The following FOXP2 variants were observed in gnomAD, a reference collection of about 807,000 sequenced individuals.
FOXP2 encodes the protein forkhead box protein P2.
FOXP2 carries 12 observed loss-of-function variants against 115.8 expected under a neutral mutation model. The observed-to-expected ratio is 0.10, with a 90% CI of 0.07 to 0.17. FOXP2 has a LOEUF of 0.17. FOXP2 is among the 10% of genes least tolerant of loss of function. FOXP2 has a pLI of 1.00. For synonymous variants in FOXP2, 328 were observed against 297.7 expected (o/e 1.10, Z -1.05); for missense variants, 629 against 843.5 (o/e 0.75, Z 3.15).
At chr7:114,647,848 A>G (rs1235314730) in intron 8 of FOXP2, among the ~76,000 whole-genome samples, 1 of 152,048 alleles carries the variant, frequency 6.6e-6, no homozygotes, top group East Asian at 1.9e-4. Context: ...ATAACATTCC[A>G]TTTAGCAGAC....
chr7:114,239,689 G>A (rs941431114), intron 1 of FOXP2, among the ~76,000 whole-genome samples: 2 of 152,252 alleles, frequency 1.3e-5, no homozygotes, highest in South Asian at 2.1e-4. Flanking sequence ...ATAGTTAAAA[G>A]ATAACATGTT....
intron 1 of FOXP2, among the ~76,000 whole-genome samples, chr7:114,183,762 C>T (rs978522533): frequency 1.4e-4 from 22 of 152,074 alleles, no homozygotes; most frequent in African/African-American, 4.3e-4. Context: ...TGGCTATATT[C>T]TTAGCTTTAA....
At chr7:114,352,096 C>A (rs1791505154) in intron 2 of FOXP2, among the ~76,000 whole-genome samples, 1 of 150,724 alleles carries the variant, frequency 6.6e-6, no homozygotes, top group South Asian at 2.1e-4. Context: ...GGCAAAATGC[C>A]ATCTCTAACA....
At chr7:114,145,165 G>GAAT (rs908381786) in intron 1 of FOXP2, among the ~76,000 whole-genome samples, 4 of 151,928 alleles carry the variant, frequency 2.6e-5, no homozygotes, top group Non-Finnish European at 5.9e-5. Context: ...TGTACAGTAC[G>GAAT]AATAATAATA....
chr7:114,527,696 G>A (rs1188640541), intron 2 of FOXP2, among the ~76,000 whole-genome samples: 1 of 152,104 alleles, frequency 6.6e-6, no homozygotes, highest in East Asian at 1.9e-4. Flanking sequence ...TCCAAAGGCT[G>A]TGTTTTATAA....
At chr7:114,443,851 T>C (rs1794717160) in intron 2 of FOXP2, among the ~76,000 whole-genome samples, 2 of 152,200 alleles carry the variant, frequency 1.3e-5, no homozygotes, top group South Asian at 4.1e-4. Flanking sequence ...ATTCCATGTC[T>C]TTGCTATTCT....
chr7:114,125,021 C>G (rs1386516162), intron 1 of FOXP2, among the ~76,000 whole-genome samples: 1 of 152,152 alleles, frequency 6.6e-6, no homozygotes, highest in Non-Finnish European at 1.5e-5. Context: ...AAGCAGAACT[C>G]AAACCCAGGT....
intron 1 of FOXP2, among the ~76,000 whole-genome samples, chr7:114,099,827 G>A (rs2129140431): frequency 6.6e-6 from 1 of 152,238 alleles, no homozygotes; most frequent in East Asian, 1.9e-4. Context: ...CAGATACGTA[G>A]GATGAATAAG....
intron 2 of FOXP2, among the ~76,000 whole-genome samples, chr7:114,389,881 G>A (rs1792544695): frequency 6.6e-6 from 1 of 151,840 alleles, no homozygotes; most frequent in South Asian, 2.1e-4. Context: ...AAAATTAGTT[G>A]GGCATGGTGG....
chr7:114,388,537 A>T (rs1792512761), intron 2 of FOXP2, among the ~76,000 whole-genome samples: 1 of 152,074 alleles, frequency 6.6e-6, no homozygotes, highest in African/African-American at 2.4e-5. Flanking sequence ...GAGTTTTCCC[A>T]TTACATCTTT....
At chr7:114,361,856 A>G (rs1791753079) in intron 2 of FOXP2, among the ~76,000 whole-genome samples, 1 of 152,080 alleles carries the variant, frequency 6.6e-6, no homozygotes, top group Non-Finnish European at 1.5e-5. Flanking sequence ...AGTTCTTGAT[A>G]AAGATTGAAA....
intron 2 of FOXP2, among the ~76,000 whole-genome samples, chr7:114,390,690 G>C (rs1277318918): frequency 6.6e-6 from 1 of 152,030 alleles, no homozygotes; most frequent in East Asian, 1.9e-4. Context: ...GAGTAGCTGG[G>C]ACTACAGCTG....
intron 1 of FOXP2, among the ~76,000 whole-genome samples, chr7:114,425,562 T>G (rs948945567): frequency 6.6e-6 from 1 of 151,656 alleles, no homozygotes; most frequent in African/African-American, 2.4e-5. Context: ...AGTATATTTA[T>G]GCAGTGAAAA....
In FOXP2 at chr7:114,534,672, C is replaced by T. The variant is rs763449275; in HGVS notation, c.224C>T (p.Ser75Phe). The change falls in exon 3 of 17, where the codon TCT becomes TTT. Residue 75 changes from serine to phenylalanine, a missense_variant. Transcript: ENST00000350908. Reference protein sequence around the residue: ...LLQQQTSGLKSPKSSDKQRPL... With the variant: ...LLQQQTSGLKFPKSSDKQRPL... The stretch of plus-strand genomic sequence containing the variant: ...CAGCAGCAAACAAGTGGATTGAAAT[C>T]TCCTAAGAGCAGTGATAAACAGAGA... 3 of 1,611,958 alleles carry T rather than the reference C, an allele frequency of 1.9e-6. No individual in the cohort carries two copies. In the South Asian group the frequency reaches 3.3e-5, roughly 18 times the overall value.
At chr7:114,620,658 G>T (rs1480822117) in intron 3 of FOXP2, among the ~76,000 whole-genome samples, 2 of 152,004 alleles carry the variant, frequency 1.3e-5, no homozygotes, top group East Asian at 3.9e-4. Flanking sequence ...TGGGAAAATA[G>T]TCTAGCCAAC....
At chr7:114,665,749 A>G (rs1807128398) in intron 16 of FOXP2, 1 of 152,138 alleles carries the variant, frequency 6.6e-6, no homozygotes, top group Non-Finnish European at 1.5e-5. Context: ...CAAAGTAGAA[A>G]GAACATGAAT....
At chr7:114,580,502 C>T (rs908700915) in intron 3 of FOXP2, among the ~76,000 whole-genome samples, 1 of 152,000 alleles carries the variant, frequency 6.6e-6, no homozygotes, top group African/African-American at 2.4e-5. Flanking sequence ...TGTTTGAACC[C>T]GGGAGGCAGA....
chr7:114,430,980 CTT>C (rs1278188509), intron 2 of FOXP2, among the ~76,000 whole-genome samples: 4 of 151,600 alleles, frequency 2.6e-5, no homozygotes, highest in Non-Finnish European at 4.4e-5. Flanking sequence ...TCTATTAACA[CTT>C]TTTTCATAGA....
chr7:114,595,541 C>A (rs940734340), intron 3 of FOXP2, among the ~76,000 whole-genome samples: 1 of 151,774 alleles, frequency 6.6e-6, no homozygotes, highest in African/African-American at 2.4e-5. Context: ...TAATAGATAC[C>A]CAATTCTGCA....
Sources: allele counts gnomAD v4.1 joint callset (sites outside exome capture counted in the v4.1 genomes callset), GRCh38; gene constraint gnomAD v4.1.1; transcripts MANE v1.5; gene names NCBI Gene and HGNC (gene_info 2026-07-23, HGNC 2026-07-21).